The following MBOAT2 variants were observed in gnomAD, a reference collection of about 807,000 sequenced individuals.
The protein encoded by MBOAT2 is membrane-bound glycerophospholipid O-acyltransferase 2.
MBOAT2 carries 28 observed loss-of-function variants against 63.4 expected under a neutral mutation model. That is an observed-to-expected ratio of 0.44 (90% CI 0.33 to 0.61). The LOEUF (loss-of-function observed/expected upper bound fraction) is 0.61. Among genes scored for constraint, MBOAT2 ranks in the 20% least tolerant of loss-of-function variants. The pLI, the probability that MBOAT2 is intolerant of heterozygous loss-of-function variation, is 0.03. For missense variants in MBOAT2, 470 were observed against 605.8 expected, an observed-to-expected ratio of 0.78 and a Z score of 2.35; for synonymous variants, 211 against 215.6, an observed-to-expected ratio of 0.98 and a Z score of 0.19.
At chr2:8,884,616 C>G (rs1663411815) in intron 5 of MBOAT2, among the ~76,000 whole-genome samples, 1 of 152,154 alleles carries the variant, frequency 6.6e-6, no homozygotes, top group African/African-American at 2.4e-5. Flanking sequence ...TGATTTCAAG[C>G]TTTGCCATAC....
intron 1 of MBOAT2, among the ~76,000 whole-genome samples, chr2:8,989,029 A>T (rs900418193): frequency 6.6e-6 from 1 of 152,222 alleles, no homozygotes; most frequent in Admixed American, 6.5e-5. Flanking sequence ...AGGGAAACAA[A>T]TGTTTGCAGA....
Position 8,857,457 on chromosome 2 carries a change from A to G in MBOAT2, c.*1222T>C, listed in dbSNP as rs1661175954. ...CCATAAAATAAAAGCACATTTTTCC[A>G]CTTACAGAACCTAAAACTCATTTTA... is the stretch of plus-strand genomic sequence containing the variant. On this transcript the variant is annotated 3_prime_UTR_variant, in exon 13 of 13. Coordinates refer to ENST00000305997, the MANE Select transcript of MBOAT2 (RefSeq NM_138799.4). The G allele has an allele frequency of 6.6e-6, 1 of 152,276 alleles. No individual in the cohort carries two copies. The allele number at this position is 152,276 out of a possible 1,614,324, so 9.4% of individuals were successfully genotyped here.
At chr2:8,895,764 G>C (rs537229237) in intron 4 of MBOAT2, among the ~76,000 whole-genome samples, 5 of 152,272 alleles carry the variant, frequency 3.3e-5, no homozygotes, top group African/African-American at 1.2e-4. Flanking sequence ...TGTTAGTTGA[G>C]CTCATTTGGG....
chr2:8,895,230 TAC>T (rs368212797), intron 4 of MBOAT2, among the ~76,000 whole-genome samples: 118 of 152,132 alleles, frequency 7.8e-4, no homozygotes, highest in African/African-American at 2.8e-3. Context: ...TGGTCAATTT[TAC>T]AGAGTGCTGA....
At chr2:8,971,690 T>C (rs1370204289) in intron 1 of MBOAT2, among the ~76,000 whole-genome samples, 4 of 152,190 alleles carry the variant, frequency 2.6e-5, no homozygotes, top group Non-Finnish European at 5.9e-5. Flanking sequence ...AAAATCAATG[T>C]GCAAAAATCA....
chr2:8,912,317 A>AAGAAAGAAAG, intron 3 of MBOAT2, among the ~76,000 whole-genome samples: 1 of 102,282 alleles, frequency 9.8e-6, no homozygotes, highest in Non-Finnish European at 2.0e-5. Context: ...GAAAGAAAGA[A>AAGAAAGAAAG]AGAAAGAAAG....
intron 4 of MBOAT2, among the ~76,000 whole-genome samples, chr2:8,894,360 G>A (rs973774539): frequency 1.3e-5 from 2 of 152,194 alleles, no homozygotes; most frequent in African/African-American, 4.8e-5. Context: ...GCAGCTAAAC[G>A]GAATGTTTCC....
At chr2:8,985,233 T>C (rs1671480259) in intron 1 of MBOAT2, among the ~76,000 whole-genome samples, 1 of 152,206 alleles carries the variant, frequency 6.6e-6, no homozygotes, top group Non-Finnish European at 1.5e-5. Context: ...TGAAAAATGA[T>C]CTACCTTTTA....
At chr2:8,888,435 G>C (rs1663724910) in intron 4 of MBOAT2, among the ~76,000 whole-genome samples, 1 of 152,144 alleles carries the variant, frequency 6.6e-6, no homozygotes, top group African/African-American at 2.4e-5. Context: ...CCAGTCTCCT[G>C]CTTTCTGCTC....
chr2:8,895,528 G>A (rs936639933), intron 4 of MBOAT2, among the ~76,000 whole-genome samples: 13 of 151,416 alleles, frequency 8.6e-5, no homozygotes, highest in Non-Finnish European at 1.5e-4. Flanking sequence ...CAAACCTTTA[G>A]CTAGATACAA....
intron 4 of MBOAT2, among the ~76,000 whole-genome samples, chr2:8,907,044 G>A (rs548073119): frequency 4.0e-4 from 61 of 152,254 alleles, no homozygotes; most frequent in African/African-American, 1.4e-3. Flanking sequence ...TTACAGTATC[G>A]TTAACCTTAA....
chr2:8,956,774 C>T (rs898999205), intron 2 of MBOAT2, among the ~76,000 whole-genome samples: 2 of 152,140 alleles, frequency 1.3e-5, no homozygotes, highest in Non-Finnish European at 2.9e-5. Context: ...TTAACAATGT[C>T]GGGTTACTTG....
At chr2:8,879,075 C>CAAA (rs58971939) in intron 6 of MBOAT2, among the ~76,000 whole-genome samples, 7 of 58,948 alleles carry the variant, frequency 1.2e-4, no homozygotes, top group Admixed American at 1.7e-4. Context: ...GACTCCGTCT[C>CAAA]AAAAAAAAAA....
intron 4 of MBOAT2, among the ~76,000 whole-genome samples, chr2:8,904,511 A>G (rs1665193213): frequency 6.6e-6 from 1 of 151,886 alleles, no homozygotes; most frequent in East Asian, 1.9e-4. Context: ...GGGTTTCACC[A>G]TGTTGCCCAG....
intron 1 of MBOAT2, among the ~76,000 whole-genome samples, chr2:8,992,634 T>C (rs555389471): frequency 6.6e-6 from 1 of 152,324 alleles, no homozygotes; most frequent in East Asian, 1.9e-4. Context: ...AAATTATATG[T>C]TATGTATCAC....
intron 4 of MBOAT2, among the ~76,000 whole-genome samples, chr2:8,888,471 C>G (rs1663729882): frequency 6.6e-6 from 1 of 152,160 alleles, no homozygotes. Flanking sequence ...ATATCATGGA[C>G]AGACTCTCAA....
At position 8,877,181 on chromosome 2, in the gene MBOAT2, T is replaced by A; in HGVS notation, c.539A>T (p.Tyr180Phe). ...CAGGATCCCCATGAAGTTACAGTTG[T>A]AACTCAAATACTCCAGTAAGCTTGG... ...RMPSLLEYLS[Y>F]NCNFMGILAG... is the part of the protein sequence containing the mutation. The change falls in exon 7 of 13, where the codon TAC (tyrosine) becomes TTC (phenylalanine). Residue 180 changes from tyrosine to phenylalanine, a missense_variant. This residue lies in a region of MBOAT2 where 376 missense variants were observed against 503.8 expected (regional missense o/e 0.75). Transcript: ENST00000305997. 1 of 1,613,328 alleles carries A rather than the reference T, an allele frequency of 6.2e-7. No individual in the cohort carries two copies. The highest frequency in any genetic ancestry group is 2.2e-5 in the East Asian group (1 of 44,872).
At chr2:8,978,120 G>A (rs1164631074) in intron 1 of MBOAT2, among the ~76,000 whole-genome samples, 3 of 151,864 alleles carry the variant, frequency 2.0e-5, no homozygotes, top group East Asian at 1.9e-4. Flanking sequence ...TAAAATCTCC[G>A]CTCCTTACTC....
intron 4 of MBOAT2, among the ~76,000 whole-genome samples, chr2:8,894,623 C>A (rs552201063): frequency 6.6e-6 from 1 of 152,250 alleles, no homozygotes; most frequent in African/African-American, 2.4e-5. Flanking sequence ...ATGGACATGA[C>A]AAGCACACCT....
Sources: allele counts gnomAD v4.1 joint callset (sites outside exome capture counted in the v4.1 genomes callset), GRCh38; gene constraint gnomAD v4.1.1; regional missense constraint gnomAD v4.1.1; transcripts MANE v1.5; gene names NCBI Gene and HGNC (gene_info 2026-07-23, HGNC 2026-07-21).